ARID1B: variants seen among roughly 807,000 people sequenced by gnomAD.
ARID1B encodes AT-rich interaction domain 1B.
ARID1B carries 30 observed loss-of-function variants against 212.3 expected under a neutral mutation model. The ratio of observed to expected loss-of-function variants is 0.14; its 90% CI spans 0.11 to 0.19. The LOEUF is 0.19. Among genes scored for constraint, ARID1B ranks in the 10% least tolerant of loss-of-function variants. ARID1B has a pLI of 1.00. For synonymous variants in ARID1B, 1,402 were observed against 1,301.7 expected (o/e 1.08, Z -1.66); for missense variants, 2,891 against 3,204.0 (o/e 0.90, Z 2.36).
rs1794018428 is a variant in ARID1B at position 157,200,481 on chromosome 6, A to G, written c.4480-224A>G. On this transcript the variant is annotated intron_variant, in intron 17 of 19. Transcript: ENST00000636930. This position sits in a 1 kb window ranked among gnomAD's most constrained non-coding sequence, Gnocchi z 4.3. The stretch of plus-strand genomic sequence containing the variant: ...TTTTTTTTTTCCACAGGAAGTTTCA[A>G]ACACGTGAAAACAAACTTTGGATGC... 6.6e-6 allele frequency among the ~76,000 whole-genome samples: 1 copy of G among 151,902 alleles called. No homozygotes were observed.
intron 4 of ARID1B, among the ~76,000 whole-genome samples, chr6:156,952,640 C>T (rs1793671178): frequency 6.6e-6 from 1 of 152,204 alleles, no homozygotes; most frequent in African/African-American, 2.4e-5. Context: ...TTGGACTCCA[C>T]ACCCTTCTGA....
At chr6:156,950,645 G>T (rs941115782) in intron 4 of ARID1B, among the ~76,000 whole-genome samples, 2 of 152,086 alleles carry the variant, frequency 1.3e-5, no homozygotes, top group South Asian at 2.1e-4. Flanking sequence ...GTTTTTTAGC[G>T]CTGCTCTTTC....
intron 4 of ARID1B, among the ~76,000 whole-genome samples, chr6:157,013,788 C>G (rs1414808661): frequency 6.6e-6 from 1 of 152,100 alleles, no homozygotes; most frequent in Non-Finnish European, 1.5e-5. Flanking sequence ...GGGAATTCAG[C>G]GGCAGGCCTG....
At position 156,778,607 on chromosome 6, in the gene ARID1B, C is replaced by T. The variant is rs1450163641; in HGVS notation, c.927C>T (p.Ala309=). Residue 309 remains alanine, a synonymous_variant, in exon 1 of 20, where the codon GCC becomes GCT. Coordinates refer to ENST00000636930, the MANE Select transcript of ARID1B (RefSeq NM_001374828.1). ...AVPGGGGGPA[A]VPEFNNYYGS... is the part of the protein sequence containing the mutation. ...CCGGGGGCGGCGGCGGCCCGGCGGC[C>T]GTCCCGGAGTTTAATAATTACTATG... 113 of 1,305,228 alleles carry T rather than the reference C, an allele frequency of 8.7e-5. No individual in the cohort carries two copies. The highest frequency in any genetic ancestry group is 9.5e-5 in the Non-Finnish European group (98 of 1,028,252). 80.9% of individuals were successfully genotyped at this position (1,305,228 alleles called of 1,614,324 possible).
chr6:157,026,707 G>A (rs1049067139), intron 4 of ARID1B, among the ~76,000 whole-genome samples: 4 of 152,008 alleles, frequency 2.6e-5, no homozygotes, highest in African/African-American at 9.7e-5. Flanking sequence ...GAGATGGGGG[G>A]GTCTCACTAT....
At chr6:156,942,246 G>A (rs1792729569) in intron 4 of ARID1B, 3 of 152,302 alleles carry the variant, frequency 2.0e-5, no homozygotes, top group South Asian at 4.1e-4. Flanking sequence ...ATAATAGAAG[G>A]ATAAGGATGA....
At chr6:157,054,666 G>C (rs922529257) in intron 4 of ARID1B, among the ~76,000 whole-genome samples, 2 of 152,116 alleles carry the variant, frequency 1.3e-5, no homozygotes, top group Admixed American at 6.5e-5. Context: ...TGTGGAAATA[G>C]TTGTTCACAT....
intron 4 of ARID1B, chr6:156,941,787 A>G (rs1792693300): frequency 6.6e-6 from 1 of 152,220 alleles, no homozygotes; most frequent in Non-Finnish European, 1.5e-5. Context: ...ACAGTTTGGA[A>G]TTCTTCCAGG....
At chr6:156,838,255 G>A (rs1783647592) in intron 2 of ARID1B, among the ~76,000 whole-genome samples, 1 of 152,122 alleles carries the variant, frequency 6.6e-6, no homozygotes, top group Non-Finnish European at 1.5e-5. Flanking sequence ...AACAAAGTCA[G>A]ACTAATGTTA....
At position 156,976,041 on chromosome 6, in the gene ARID1B, C is replaced by T. The variant is rs185332258; in HGVS notation, c.2247+40465C>T. Among the ~76,000 whole-genome samples, 575 of 151,026 alleles carry T rather than the reference C, an allele frequency of 3.8e-3. 6 individuals carry two copies. The highest frequency in any genetic ancestry group is 0.01 in the Middle Eastern group (3 of 292). ...ATCGTACAAAGTACATTCACAAGGA[C>T]GGGGGAATATCATAAAGTACATAAG... On this transcript the variant is annotated intron_variant, in intron 4 of 19. Transcript: ENST00000636930.
rs374929181 is a variant in ARID1B at position 156,878,782 on chromosome 6, C to T, written c.1987-22594C>T. 4.2e-4 allele frequency among the ~76,000 whole-genome samples: 64 copies of T among 152,260 alleles called. No homozygotes were observed. The South Asian group carries it at 1.0e-2, about 24-fold the overall frequency. On this transcript the variant is annotated intron_variant, in intron 2 of 19. Transcript: ENST00000636930. ...GCAGCCAAATGGTTGGACAGGTGGT[C>T]GCTACATTGCTGCTTTAATGCTTGC... is the stretch of plus-strand genomic sequence containing the variant.
At chr6:157,128,713 A>G (rs74907781) in intron 6 of ARID1B, among the ~76,000 whole-genome samples, 3 of 152,372 alleles carry the variant, frequency 2.0e-5, no homozygotes, top group African/African-American at 4.8e-5. Context: ...CAAGAGAGAG[A>G]GCGTGACCAA....
intron 4 of ARID1B, chr6:156,939,495 A>T (rs529616177): frequency 6.6e-6 from 1 of 152,166 alleles, no homozygotes; most frequent in African/African-American, 2.4e-5. Context: ...GGTATTTATT[A>T]TGTCCTATTC....
At chr6:157,047,251 A>G (rs190197161) in intron 4 of ARID1B, among the ~76,000 whole-genome samples, 2 of 152,316 alleles carry the variant, frequency 1.3e-5, no homozygotes, top group East Asian at 3.9e-4. Context: ...GTATTAGGTG[A>G]TCACGAGATG....
intron 6 of ARID1B, among the ~76,000 whole-genome samples, chr6:157,125,498 C>CCACTTT (rs566844038): frequency 1.3e-5 from 2 of 152,210 alleles, no homozygotes; most frequent in Non-Finnish European, 2.9e-5. Context: ...CTTGGGACAT[C>CCACTTT]CACTTTGGAT....
intron 7 of ARID1B, among the ~76,000 whole-genome samples, chr6:157,136,006 A>G (rs1018780161): frequency 6.6e-6 from 1 of 152,196 alleles, no homozygotes; most frequent in Admixed American, 6.5e-5. Flanking sequence ...TTTTACTCAT[A>G]TTTTATATGA....
chr6:157,128,408 G>C lies in ARID1B; in HGVS notation c.2582-4620G>C, dbSNP rs527357712. ...GGGTTAGCTTTCAAAAATGCAACAG[G>C]CATGGTGGCCCACACCTGTAGTCCC... On this transcript the variant is annotated intron_variant, in intron 6 of 19. Transcript: ENST00000636930. 2.0e-5 allele frequency among the ~76,000 whole-genome samples: 3 copies of C among 152,250 alleles called. No individual in the cohort carries two copies. In the South Asian group the frequency reaches 6.2e-4, roughly 32 times the overall value.
At chr6:157,022,539 TTGCAATC>T (rs1302856035) in intron 4 of ARID1B, 3 of 152,236 alleles carry the variant, frequency 2.0e-5, no homozygotes, top group African/African-American at 7.2e-5. Context: ...AGGTAGGATG[TTGCAATC>T]TGCAATCTAG....
intron 1 of ARID1B, among the ~76,000 whole-genome samples, chr6:156,793,124 A>G (rs780188299): frequency 4.6e-5 from 7 of 152,060 alleles, no homozygotes; most frequent in Non-Finnish European, 7.4e-5. Flanking sequence ...CTAATATCAG[A>G]TTAATACCGG....
Sources: allele counts gnomAD v4.1 joint callset (sites outside exome capture counted in the v4.1 genomes callset), GRCh38; gene constraint gnomAD v4.1.1; non-coding constraint Gnocchi (gnomAD v3.1); transcripts MANE v1.5; gene names NCBI Gene and HGNC (gene_info 2026-07-23, HGNC 2026-07-21).